Variants in PTPRK observed in about 807,000 individuals in gnomAD.
PTPRK encodes the protein protein tyrosine phosphatase receptor type K, also known as receptor-type tyrosine-protein phosphatase kappa.
Under a neutral mutation model 178.0 loss-of-function variants are expected in PTPRK, and 75 were observed. The observed-to-expected ratio is 0.42, with a 90% CI of 0.35 to 0.51. The LOEUF (loss-of-function observed/expected upper bound fraction) is 0.51, where lower values mean the gene tolerates loss of function less well. Among genes scored for constraint, PTPRK ranks in the 20% least tolerant of loss-of-function variants. The pLI, the probability that PTPRK is intolerant of heterozygous loss-of-function variation, is 0.02. For missense variants in PTPRK, 1,441 were observed against 1,797.8 expected, an observed-to-expected ratio of 0.80 and a Z score of 3.59; for synonymous variants, 637 against 620.6, an observed-to-expected ratio of 1.03 and a Z score of -0.39.
intron 1 of PTPRK, among the ~76,000 whole-genome samples, chr6:128,402,049 A>G (rs957401747): frequency 2.0e-5 from 3 of 152,184 alleles, no homozygotes; most frequent in Non-Finnish European, 4.4e-5. Flanking sequence ...TCATCTATCT[A>G]TGCTAATCAG....
At chr6:128,258,913 A>C (rs551964379) in intron 3 of PTPRK, among the ~76,000 whole-genome samples, 136 of 152,226 alleles carry the variant, frequency 8.9e-4, no homozygotes, top group Non-Finnish European at 1.6e-3. Flanking sequence ...ACGTGGAGCT[A>C]GCCAATAACT....
chr6:128,378,830 G>A (rs1465589883), intron 2 of PTPRK, among the ~76,000 whole-genome samples: 1 of 151,912 alleles, frequency 6.6e-6, no homozygotes, highest in African/African-American at 2.4e-5. Flanking sequence ...TTTCACCTAT[G>A]CATAAATATC....
chr6:128,292,885 T>G (rs1823629515), intron 3 of PTPRK, among the ~76,000 whole-genome samples: 1 of 151,912 alleles, frequency 6.6e-6, no homozygotes, highest in African/African-American at 2.4e-5. Flanking sequence ...TTCCAACACC[T>G]AAATGAATGC....
chr6:128,092,352 C>T (rs569477445), intron 7 of PTPRK, among the ~76,000 whole-genome samples: 1 of 151,982 alleles, frequency 6.6e-6, no homozygotes, highest in Non-Finnish European at 1.5e-5. Flanking sequence ...TATGAACAAC[C>T]AAAGTAAACA....
intron 2 of PTPRK, among the ~76,000 whole-genome samples, chr6:128,376,842 T>C (rs191217848): frequency 6.6e-6 from 1 of 152,304 alleles, no homozygotes; most frequent in East Asian, 1.9e-4. Context: ...GGCAGGGGCA[T>C]AATGCCACCA....
At position 128,461,538 on chromosome 6, in the gene PTPRK, C is replaced by T. The variant is rs1038749151; in HGVS notation, c.100+58721G>A. Among the ~76,000 whole-genome samples, 4 of 152,048 alleles carry T rather than the reference C, an allele frequency of 2.6e-5. No individual in the cohort carries two copies. In the South Asian group the frequency reaches 8.3e-4, roughly 32 times the overall value. ...TGGCCACAATTGACGTTAACAAAAACACACACTTAAATTCTAGCAAAGTTG... is the reference window on the plus strand; with the variant it reads ...TGGCCACAATTGACGTTAACAAAAATACACACTTAAATTCTAGCAAAGTTG... On this transcript the variant is annotated intron_variant, in intron 1 of 29. Transcript: ENST00000368226.
chr6:128,199,521 A>C (rs1805517002), intron 6 of PTPRK, among the ~76,000 whole-genome samples: 1 of 145,182 alleles, frequency 6.9e-6, no homozygotes, highest in Non-Finnish European at 1.5e-5. Flanking sequence ...CATTTATCAA[A>C]CTATATGTTT....
intron 1 of PTPRK, among the ~76,000 whole-genome samples, chr6:128,505,939 A>G (rs1328762168): frequency 6.6e-6 from 1 of 152,220 alleles, no homozygotes; most frequent in Admixed American, 6.5e-5. Context: ...TTGGGGTTCA[A>G]ATAGATTTGA....
At chr6:128,103,557 G>C (rs1363676808) in intron 7 of PTPRK, among the ~76,000 whole-genome samples, 1 of 152,134 alleles carries the variant, frequency 6.6e-6, no homozygotes, top group Non-Finnish European at 1.5e-5. Flanking sequence ...CCTCCTGTAA[G>C]GGGTTTCAGC....
At chr6:128,461,646 G>A (rs1048473528) in intron 1 of PTPRK, among the ~76,000 whole-genome samples, 2 of 152,020 alleles carry the variant, frequency 1.3e-5, no homozygotes, top group African/African-American at 4.8e-5. Context: ...CTTTTAAAAC[G>A]TACAATTCAG....
intron 6 of PTPRK, among the ~76,000 whole-genome samples, chr6:128,207,523 A>G (rs1030055365): frequency 6.6e-6 from 1 of 152,308 alleles, no homozygotes; most frequent in Admixed American, 6.5e-5. Context: ...ATTTATCTAT[A>G]AACCTCAGCA....
intron 3 of PTPRK, among the ~76,000 whole-genome samples, chr6:128,275,119 TCATAA>T (rs925934292): frequency 6.2e-4 from 94 of 152,158 alleles, no homozygotes; most frequent in African/African-American, 2.0e-3. Flanking sequence ...TTCATTTTAA[TCATAA>T]CATAACACTT....
intron 1 of PTPRK, among the ~76,000 whole-genome samples, chr6:128,433,000 T>C (rs938373290): frequency 6.6e-6 from 1 of 152,192 alleles, no homozygotes; most frequent in African/African-American, 2.4e-5. Context: ...TATCAATACA[T>C]AAGGTTTGTA....
chr6:128,099,132 T>C (rs1788375589), intron 7 of PTPRK, among the ~76,000 whole-genome samples: 1 of 151,268 alleles, frequency 6.6e-6, no homozygotes, highest in African/African-American at 2.4e-5. Flanking sequence ...AATCTGTTAG[T>C]TGGAATTTCT....
In PTPRK at chr6:128,175,027, T is replaced by C. The variant is rs1292232630; in HGVS notation, c.1162+9405A>G. ...CAGTACTTGTGAGCTACTGTAATCA[T>C]AATTCTCTAGACTTTGAGTAGCTAG... is the stretch of plus-strand genomic sequence containing the variant. On this transcript the variant is annotated intron_variant, in intron 7 of 29. Coordinates refer to ENST00000368226, the MANE Select transcript of PTPRK (RefSeq NM_002844.4). 4.6e-5 allele frequency among the ~76,000 whole-genome samples: 7 copies of C among 152,026 alleles called. No individual in the cohort carries two copies. The South Asian group carries it at 1.2e-3, about 27-fold the overall frequency.
chr6:128,194,097 TTATTA>T (rs1379105491), intron 6 of PTPRK, among the ~76,000 whole-genome samples: 48 of 144,940 alleles, frequency 3.3e-4, no homozygotes, highest in African/African-American at 1.0e-3. Context: ...ATTATTATTA[TTATTA>T]GGAAACGGAG....
intron 15 of PTPRK, among the ~76,000 whole-genome samples, chr6:128,000,804 GA>G (rs1202460241): frequency 6.6e-6 from 1 of 152,050 alleles, no homozygotes; most frequent in African/African-American, 2.4e-5. Flanking sequence ...CAAGCTGGAA[GA>G]AGGTAGCCAG....
chr6:128,398,444 C>T (rs926112910), intron 1 of PTPRK, among the ~76,000 whole-genome samples: 1 of 152,124 alleles, frequency 6.6e-6, no homozygotes, highest in Non-Finnish European at 1.5e-5. Context: ...TCCCTGCCTC[C>T]GGACCCTATT....
At chr6:128,413,906 CT>C (rs997444603) in intron 1 of PTPRK, among the ~76,000 whole-genome samples, 1 of 152,026 alleles carries the variant, frequency 6.6e-6, no homozygotes, top group African/African-American at 2.4e-5. Context: ...TCTTTCCTTA[CT>C]ATTTAATTGA....
Sources: gnomAD v4.1 joint callset for allele counts (sites outside exome capture counted in the v4.1 genomes callset) on GRCh38, gnomAD v4.1.1 for gene constraint, MANE v1.5 for transcripts, NCBI Gene and HGNC (gene_info 2026-07-23, HGNC 2026-07-21) for gene names.